Variants in TRPC6 observed in about 807,000 individuals in gnomAD.
TRPC6 encodes the protein short transient receptor potential channel 6.
TRPC6 carries 55 observed loss-of-function variants against 90.7 expected under a neutral mutation model. The observed-to-expected ratio is 0.61, with a 90% CI of 0.49 to 0.76. TRPC6 has a LOEUF of 0.76. Among genes scored for constraint, TRPC6 ranks in the 30% least tolerant of loss-of-function variants. The probability of loss-of-function intolerance (pLI) is 0.00; values close to 1 mark genes in which losing one functional copy is unlikely to be tolerated. For synonymous variants in TRPC6, 393 were observed against 393.0 expected, an observed-to-expected ratio of 1.00 and a Z score of 0.00; for missense variants, 989 against 1,122.7, an observed-to-expected ratio of 0.88 and a Z score of 1.70.
chr11:101,557,055 A>G (rs961146249), intron 1 of TRPC6, among the ~76,000 whole-genome samples: 2 of 152,190 alleles, frequency 1.3e-5, no homozygotes, highest in African/African-American at 4.8e-5. Flanking sequence ...GAAGAAAGGT[A>G]CCTCAATAAA....
chr11:101,573,921 C>CGTGTGTGTGTGTGTGTGTGTGT (rs58766729), intron 1 of TRPC6, among the ~76,000 whole-genome samples: 6 of 131,976 alleles, frequency 4.5e-5, no homozygotes, highest in Admixed American at 7.5e-5. Context: ...GAAACAAATA[C>CGTGTGTGTGTGTGTGTGTGTGT]GTGTGTGTGT....
intron 1 of TRPC6, among the ~76,000 whole-genome samples, chr11:101,556,285 T>A (rs1215208376): frequency 1.3e-5 from 2 of 151,918 alleles, no homozygotes; most frequent in Non-Finnish European, 2.9e-5. Context: ...GAGTATGTTT[T>A]TTGAAAAGAA....
rs1196415960 is a variant in TRPC6 at position 101,521,370 on chromosome 11, G to A, written c.171-16572C>T. On this transcript the variant is annotated intron_variant, in intron 1 of 12. Coordinates refer to ENST00000344327, the MANE Select transcript of TRPC6 (RefSeq NM_004621.6). ...TAAGCCTTGGTGGCTTCCATGTCATGATAAGCCTGCAGGTGCACAGAGGCA... is the reference window on the plus strand; with the variant it reads ...TAAGCCTTGGTGGCTTCCATGTCATAATAAGCCTGCAGGTGCACAGAGGCA... 2.0e-5 allele frequency among the ~76,000 whole-genome samples: 3 copies of A among 152,222 alleles called. No homozygotes were observed. The East Asian group carries it at 5.8e-4, about 29-fold the overall frequency.
chr11:101,550,022 C>T (rs531249841), intron 1 of TRPC6, among the ~76,000 whole-genome samples: 3 of 151,594 alleles, frequency 2.0e-5, no homozygotes, highest in East Asian at 1.9e-4. Context: ...GAAAGTGGAA[C>T]AGTCTTTTTG....
rs35713949 is a variant in TRPC6, at chr11:101,472,970, G to GA, written c.2009+538dup. ...ATAATCTATTCCAAACACACTTTAT[G>GA]AAAAAAAAAACACGTGTCCATGGTG... On this transcript the variant is annotated intron_variant, in intron 7 of 12. Transcript: ENST00000344327. 3.1e-4 allele frequency among the ~76,000 whole-genome samples: 46 copies of GA among 149,158 alleles called. No individual in the cohort carries two copies. The East Asian group carries it at 3.3e-3, about 11-fold the overall frequency.
At chr11:101,561,708 C>T (rs1471534872) in intron 1 of TRPC6, among the ~76,000 whole-genome samples, 2 of 151,782 alleles carry the variant, frequency 1.3e-5, no homozygotes, top group Non-Finnish European at 2.9e-5. Flanking sequence ...CAGGGCTAAA[C>T]TTAAACACCC....
rs140598662 is a variant in TRPC6 at position 101,499,996 on chromosome 11, G to A, written c.945+4028C>T. 6.5e-3 allele frequency among the ~76,000 whole-genome samples: 256 copies of A among 39,200 alleles called. 50 individuals are homozygous for A. Among genetic ancestry groups the A allele is most frequent in the African/African-American group, 0.038 (244 of 6,478 alleles). The allele number at this position is 39,200 out of a possible 152,430, so 25.7% of individuals were successfully genotyped here. On this transcript the variant is annotated intron_variant, in intron 2 of 12. Coordinates refer to ENST00000344327, the MANE Select transcript of TRPC6 (RefSeq NM_004621.6). Reference sequence around the variant, plus strand: ...TAAAATGTGTATATATGTATACACAGTATAAAATGTGTATATATATACGCA... The same window carrying A: ...TAAAATGTGTATATATGTATACACAATATAAAATGTGTATATATATACGCA...
intron 1 of TRPC6, among the ~76,000 whole-genome samples, chr11:101,551,782 GCAAA>G (rs1225463492): frequency 6.6e-6 from 1 of 152,042 alleles, no homozygotes; most frequent in Non-Finnish European, 1.5e-5. Flanking sequence ...CATCTCTAAA[GCAAA>G]CAAACAGCAT....
At chr11:101,502,426 A>G (rs1464406391) in intron 2 of TRPC6, among the ~76,000 whole-genome samples, 1 of 152,204 alleles carries the variant, frequency 6.6e-6, no homozygotes, top group African/African-American at 2.4e-5. Flanking sequence ...TGTCCCCAGT[A>G]AAAAAGAGCA....
chr11:101,556,097 T>C (rs770132280), intron 1 of TRPC6, among the ~76,000 whole-genome samples: 3 of 152,026 alleles, frequency 2.0e-5, no homozygotes, highest in Non-Finnish European at 4.4e-5. Context: ...CTTATAGCAA[T>C]AAACACCTAT....
chr11:101,558,345 A>ACATG (rs1861624838), intron 1 of TRPC6, among the ~76,000 whole-genome samples: 3 of 129,950 alleles, frequency 2.3e-5, no homozygotes, highest in African/African-American at 5.6e-5. Context: ...ATACATGTAT[A>ACATG]TATGTATACA....
At chr11:101,484,721 C>G (rs2136694201) in intron 4 of TRPC6, among the ~76,000 whole-genome samples, 2 of 151,474 alleles carry the variant, frequency 1.3e-5, no homozygotes, top group South Asian at 4.2e-4. Flanking sequence ...ACTCACGTTC[C>G]TGATATAAAA....
intron 1 of TRPC6, among the ~76,000 whole-genome samples, chr11:101,539,753 G>A (rs1255121877): frequency 6.6e-6 from 1 of 151,978 alleles, no homozygotes; most frequent in African/African-American, 2.4e-5. Flanking sequence ...TCTTCTAATG[G>A]CAATTGTCTT....
At position 101,462,147 on chromosome 11, in the gene TRPC6, G is replaced by A. The variant is rs549641292; in HGVS notation, c.2485-7046C>T. 1.7e-4 allele frequency among the ~76,000 whole-genome samples: 26 copies of A among 152,130 alleles called. No individual in the cohort carries two copies. In the South Asian group the frequency reaches 2.5e-3, roughly 15 times the overall value. ...GTAGATGTGTGGTGTTATTTCTGAG[G>A]CCTCTGTTCTGTTCCATTGGTCTAT... On this transcript the variant is annotated intron_variant, in intron 10 of 12. Transcript: ENST00000344327.
rs17096875 is a variant in TRPC6, at chr11:101,525,774, C to A, written c.171-20976G>T. On this transcript the variant is annotated intron_variant, in intron 1 of 12. Coordinates refer to ENST00000344327, the MANE Select transcript of TRPC6 (RefSeq NM_004621.6). ...TGCAATGTTTGTACTTTATCCTGAG[C>A]ATAATGTGGAGACACTGAAAACTTC... Among the ~76,000 whole-genome samples the A allele has an allele frequency of 9.8e-3, 1,497 of 152,240 alleles. 65 individuals are homozygous for A. Among genetic ancestry groups the A allele is most frequent in the Admixed American group, 0.075 (1,148 of 15,280 alleles).
chr11:101,563,824 G>A (rs543160838), intron 1 of TRPC6, among the ~76,000 whole-genome samples: 5 of 152,134 alleles, frequency 3.3e-5, no homozygotes, highest in Non-Finnish European at 7.4e-5. Context: ...ACAGGCCTCC[G>A]CATCTGTCTA....
chr11:101,506,585 A>G (rs1206484811), intron 1 of TRPC6, among the ~76,000 whole-genome samples: 1 of 152,190 alleles, frequency 6.6e-6, no homozygotes, highest in Non-Finnish European at 1.5e-5. Context: ...GTCCTATTCA[A>G]AATCAACCAA....
chr11:101,563,055 AACCTCTAGCCATAT>A (rs1281125224), intron 1 of TRPC6, among the ~76,000 whole-genome samples: 2 of 152,234 alleles, frequency 1.3e-5, no homozygotes, highest in African/African-American at 4.8e-5. Flanking sequence ...TATATATGGT[AACCTCTAGCCATAT>A]ATAACAATTT....
At chr11:101,540,055 G>T (rs990241715) in intron 1 of TRPC6, among the ~76,000 whole-genome samples, 1 of 152,174 alleles carries the variant, frequency 6.6e-6, no homozygotes, top group Non-Finnish European at 1.5e-5. Context: ...ATAATTGAGC[G>T]AGTTATATAA....
Sources: allele counts gnomAD v4.1 joint callset (sites outside exome capture counted in the v4.1 genomes callset), GRCh38; gene constraint gnomAD v4.1.1; transcripts MANE v1.5; gene names NCBI Gene and HGNC (gene_info 2026-07-23, HGNC 2026-07-21).